Variants in VPS13B observed in about 807,000 individuals in gnomAD.
The protein encoded by VPS13B is intermembrane lipid transfer protein VPS13B.
In VPS13B, 285 loss-of-function variants were observed where a neutral mutation model predicts 426.4. The observed-to-expected ratio is 0.67, with a 90% CI of 0.61 to 0.74. VPS13B has a LOEUF of 0.74. Among genes scored for constraint, VPS13B ranks in the 30% least tolerant of loss-of-function variants. VPS13B has a pLI of 0.00. For synonymous variants in VPS13B, 1,676 were observed against 1,676.4 expected (o/e 1.00, Z 0.01); for missense variants, 4,537 against 4,782.6 (o/e 0.95, Z 1.51).
intron 35 of VPS13B, among the ~76,000 whole-genome samples, chr8:99,672,840 T>G (rs917499626): frequency 1.3e-5 from 2 of 152,058 alleles, no homozygotes; most frequent in Non-Finnish European, 2.9e-5. Context: ...TTTTTGAGAG[T>G]TCTTATCACG....
chr8:99,485,837 A>G (rs1588428157), intron 25 of VPS13B, among the ~76,000 whole-genome samples: 1 of 152,336 alleles, frequency 6.6e-6, no homozygotes, highest in South Asian at 2.1e-4. Flanking sequence ...AAAAGTATTT[A>G]TATAGTCTCC....
intron 33 of VPS13B, among the ~76,000 whole-genome samples, chr8:99,599,800 C>T (rs562174990): frequency 2.8e-4 from 42 of 152,196 alleles, no homozygotes; most frequent in Non-Finnish European, 4.4e-4. Flanking sequence ...GCTTAAACCC[C>T]GTAATCTTCC....
intron 21 of VPS13B, among the ~76,000 whole-genome samples, chr8:99,407,834 AAG>A (rs1815415531): frequency 6.6e-6 from 1 of 152,156 alleles, no homozygotes; most frequent in Non-Finnish European, 1.5e-5. Flanking sequence ...GCAATGTAAT[AAG>A]ATTCAGAAGT....
At chr8:99,682,630 T>C (rs1718121241) in intron 35 of VPS13B, among the ~76,000 whole-genome samples, 1 of 152,178 alleles carries the variant, frequency 6.6e-6, no homozygotes, top group Admixed American at 6.5e-5. Context: ...TGTACTGAGC[T>C]GCCTGGAGAT....
At chr8:99,047,937 C>T (rs1843318225) in intron 3 of VPS13B, among the ~76,000 whole-genome samples, 1 of 152,190 alleles carries the variant, frequency 6.6e-6, no homozygotes, top group African/African-American at 2.4e-5. Flanking sequence ...ATCCACCCAC[C>T]TTGGCATCCC....
chr8:99,230,905 C>T (rs1054114503), intron 17 of VPS13B, among the ~76,000 whole-genome samples: 1 of 152,226 alleles, frequency 6.6e-6, no homozygotes, highest in Admixed American at 6.5e-5. Context: ...GCAGCATTGT[C>T]ACTTCAGTGT....
At chr8:99,540,615 A>C (rs928409578) in intron 30 of VPS13B, among the ~76,000 whole-genome samples, 11 of 152,198 alleles carry the variant, frequency 7.2e-5, no homozygotes, top group Admixed American at 6.5e-5. Context: ...TATTCATAGA[A>C]TATTTCCTAG....
chr8:99,232,984 C>G, intron 17 of VPS13B: 1 of 731,850 alleles, frequency 1.4e-6, no homozygotes, highest in Non-Finnish European at 2.4e-6. Context: ...TGTGTTTGGT[C>G]TCATTTTGTC....
At chr8:99,121,109 AT>A in intron 7 of VPS13B, 67 bp from the exon 8 acceptor site, 1 of 1,478,486 alleles carries the variant, frequency 6.8e-7, no homozygotes, top group South Asian at 1.3e-5. Flanking sequence ...ATTTTAAAGG[AT>A]GTCTATTTCT....
At chr8:99,281,787 T>A (rs766654280) in intron 19 of VPS13B, among the ~76,000 whole-genome samples, 13 of 152,214 alleles carry the variant, frequency 8.5e-5, no homozygotes, top group Non-Finnish European at 1.5e-5. Flanking sequence ...TTTTCCTTGC[T>A]TTGTTCCCCT....
intron 30 of VPS13B, among the ~76,000 whole-genome samples, chr8:99,540,840 C>T (rs963426481): frequency 5.3e-5 from 8 of 152,044 alleles, no homozygotes; most frequent in Non-Finnish European, 7.4e-5. Context: ...GGCCCTATTT[C>T]GAATAACTGT....
intron 43 of VPS13B, among the ~76,000 whole-genome samples, chr8:99,785,046 TC>T (rs1170591655): frequency 6.6e-6 from 1 of 152,066 alleles, no homozygotes; most frequent in Non-Finnish European, 1.5e-5. Context: ...AAAAACTATG[TC>T]CAAGGGAGCA....
intron 3 of VPS13B, among the ~76,000 whole-genome samples, chr8:99,065,419 T>G (rs1474556284): frequency 1.3e-5 from 2 of 152,156 alleles, no homozygotes; most frequent in South Asian, 4.1e-4. Flanking sequence ...AGCCACATGA[T>G]CGTCTCAATG....
At chr8:99,411,338 T>C (rs1051052440) in intron 21 of VPS13B, among the ~76,000 whole-genome samples, 1 of 152,226 alleles carries the variant, frequency 6.6e-6, no homozygotes, top group African/African-American at 2.4e-5. Context: ...ATTCATATGA[T>C]TGTAGGCCGC....
At chr8:99,802,450 ATTTTT>A (rs915952265) in intron 43 of VPS13B, among the ~76,000 whole-genome samples, 1 of 151,936 alleles carries the variant, frequency 6.6e-6, no homozygotes, top group African/African-American at 2.4e-5. Flanking sequence ...CCTATTAGAC[ATTTTT>A]TTTATTTTAA....
intron 2 of VPS13B, among the ~76,000 whole-genome samples, chr8:99,029,809 C>CGGAGACGGAGAG (rs1563493437): frequency 3.4e-5 from 3 of 88,388 alleles, no homozygotes; most frequent in Non-Finnish European, 2.2e-5. Context: ...GAGAGGGAGA[C>CGGAGACGGAGAG]GGAGAGGGAG....
rs757079639 is a variant in VPS13B at position 99,776,960 on chromosome 8, C to A, written c.7429+4C>A. ...CACCTTGACCAACTAGGCACAGGTA[C>A]TCTTTTTTTTAGCATCAGAATAACA... On this transcript the variant is annotated splice_donor_region_variant and intron_variant, in intron 41 of 61. Coordinates refer to ENST00000357162, the MANE Select transcript of VPS13B (RefSeq NM_152564.5). The A allele has an allele frequency of 8.7e-6, 14 of 1,613,214 alleles. No homozygotes were observed. In the African/African-American group the frequency reaches 1.7e-4, roughly 20 times the overall value.
intron 40 of VPS13B, among the ~76,000 whole-genome samples, chr8:99,768,730 T>C (rs1811347246): frequency 6.6e-6 from 1 of 152,200 alleles, no homozygotes; most frequent in Non-Finnish European, 1.5e-5. Context: ...AGTGAAAATA[T>C]ATTAGAGAAG....
intron 20 of VPS13B, among the ~76,000 whole-genome samples, chr8:99,388,425 T>C (rs1814245748): frequency 6.6e-6 from 1 of 152,200 alleles, no homozygotes; most frequent in Non-Finnish European, 1.5e-5. Context: ...AAATTAATAA[T>C]TAGTGAAAGA....
Sources: gnomAD v4.1 joint callset for allele counts (sites outside exome capture counted in the v4.1 genomes callset) on GRCh38, gnomAD v4.1.1 for gene constraint, MANE v1.5 for transcripts, NCBI Gene and HGNC (gene_info 2026-07-23, HGNC 2026-07-21) for gene names.